EYA4: variants seen among roughly 807,000 people sequenced by gnomAD.
EYA4 encodes EYA transcriptional coactivator and phosphatase 4.
EYA4 carries 31 observed loss-of-function variants against 87.9 expected under a neutral mutation model. The ratio of observed to expected loss-of-function variants is 0.35; its 90% CI spans 0.27 to 0.48. The LOEUF is 0.48. Ranked by LOEUF, EYA4 falls within the 20% of genes least tolerant of loss-of-function variation. EYA4 has a pLI of 0.99. For missense variants in EYA4, 678 were observed against 761.4 expected (o/e 0.89, Z 1.29); for synonymous variants, 263 against 270.6 (o/e 0.97, Z 0.28).
intron 2 of EYA4, among the ~76,000 whole-genome samples, chr6:133,291,821 AT>A (rs1778510719): frequency 6.6e-6 from 1 of 152,202 alleles, no homozygotes; most frequent in Non-Finnish European, 1.5e-5. Flanking sequence ...GCATAGTATT[AT>A]CCACATTGAT....
chr6:133,505,984 A>G (rs1202273834), intron 13 of EYA4, 122 bp from the exon 14 acceptor site: 3 of 702,680 alleles, frequency 4.3e-6, no homozygotes, highest in Non-Finnish European at 7.7e-6. Context: ...AATCTTTTGA[A>G]TCTTCAGTAA....
chr6:133,281,514 T>A (rs1777624460), intron 2 of EYA4, among the ~76,000 whole-genome samples: 1 of 152,236 alleles, frequency 6.6e-6, no homozygotes, highest in Non-Finnish European at 1.5e-5. Context: ...TACTTACTCC[T>A]ATGATTTCTT....
chr6:133,531,558 C>T lies in EYA4; in HGVS notation c.*2753C>T, dbSNP rs888134350. The T allele has an allele frequency of 3.8e-6, 1 of 265,078 alleles. No individual in the cohort carries two copies. The highest frequency in any genetic ancestry group is 2.2e-5 in the African/African-American group (1 of 45,608). The allele number at this position is 265,078 out of a possible 1,614,324, so 16.4% of individuals were successfully genotyped here. On this transcript the variant is annotated 3_prime_UTR_variant, in exon 20 of 20. Transcript: ENST00000355286. ...GGTATATTACTACGAAAGATAACCACCTTGTGTTGCACCTTAAAAATATCA... is the reference window on the plus strand; with the variant it reads ...GGTATATTACTACGAAAGATAACCATCTTGTGTTGCACCTTAAAAATATCA...
At chr6:133,345,753 G>A (rs1783143558) in intron 2 of EYA4, among the ~76,000 whole-genome samples, 1 of 152,092 alleles carries the variant, frequency 6.6e-6, no homozygotes, top group Non-Finnish European at 1.5e-5. Context: ...TTTTTAGAAA[G>A]GGGTAAAGTA....
At chr6:133,346,786 C>A (rs1352980920) in intron 2 of EYA4, among the ~76,000 whole-genome samples, 1 of 151,734 alleles carries the variant, frequency 6.6e-6, no homozygotes, top group African/African-American at 2.4e-5. Flanking sequence ...TGTTGCCTGG[C>A]TGTAGGCTTT....
intron 3 of EYA4, among the ~76,000 whole-genome samples, chr6:133,385,080 A>G (rs1362537229): frequency 1.1e-4 from 17 of 151,840 alleles, no homozygotes; most frequent in Admixed American, 1.1e-3. Flanking sequence ...CGGGCAGATG[A>G]TGAGGTCAGG....
intron 2 of EYA4, among the ~76,000 whole-genome samples, chr6:133,369,036 T>G (rs1041896104): frequency 1.4e-4 from 21 of 152,236 alleles, no homozygotes; most frequent in African/African-American, 4.8e-4. Context: ...AAAAAAGAAA[T>G]AAACTCAGTG....
intron 2 of EYA4, among the ~76,000 whole-genome samples, chr6:133,308,384 T>A (rs2210891): frequency 1.3e-5 from 2 of 151,956 alleles, no homozygotes; most frequent in African/African-American, 2.4e-5. Context: ...ATTCAGTAAT[T>A]AAAAAAAACT....
chr6:133,241,060 C>A (rs1265476208), upstream of EYA4, among the ~76,000 whole-genome samples: 1 of 151,904 alleles, frequency 6.6e-6, no homozygotes, highest in African/African-American at 2.4e-5. Flanking sequence ...GGGGGCGGCG[C>A]GGAGGGCACG....
chr6:133,273,777 T>C (rs1169694458), intron 1 of EYA4, among the ~76,000 whole-genome samples: 3 of 152,234 alleles, frequency 2.0e-5, no homozygotes, highest in Admixed American at 1.3e-4. Context: ...CATATTTCTG[T>C]AGGGCATGTG....
chr6:133,478,786 CCA>C (rs1795960008), intron 11 of EYA4, among the ~76,000 whole-genome samples: 2 of 152,150 alleles, frequency 1.3e-5, no homozygotes, highest in Admixed American at 6.6e-5. Context: ...CGTCCTACAA[CCA>C]CAGTCTTTTC....
chr6:133,341,405 A>G (rs1476114017), intron 2 of EYA4, among the ~76,000 whole-genome samples: 1 of 152,234 alleles, frequency 6.6e-6, no homozygotes. Flanking sequence ...CTTTGTAGGT[A>G]CGCAGGAATA....
At chr6:133,401,113 A>G (rs1281706736) in intron 3 of EYA4, among the ~76,000 whole-genome samples, 1 of 152,210 alleles carries the variant, frequency 6.6e-6, no homozygotes, top group Non-Finnish European at 1.5e-5. Context: ...ACTGGGGGTC[A>G]TTATTTAAGT....
intron 2 of EYA4, among the ~76,000 whole-genome samples, chr6:133,356,812 A>AT (rs1486370992): frequency 2.9e-5 from 4 of 138,118 alleles, no homozygotes; most frequent in South Asian, 2.3e-4. Flanking sequence ...TTTTATTTTT[A>AT]TTTTTTTTGA....
At chr6:133,341,488 GCC>G (rs1782774901) in intron 2 of EYA4, among the ~76,000 whole-genome samples, 1 of 152,148 alleles carries the variant, frequency 6.6e-6, no homozygotes, top group African/African-American at 2.4e-5. Context: ...TAACAGTGGA[GCC>G]CTTTATGAAA....
intron 3 of EYA4, among the ~76,000 whole-genome samples, chr6:133,394,724 A>T (rs1787641430): frequency 6.6e-6 from 1 of 152,230 alleles, no homozygotes; most frequent in Non-Finnish European, 1.5e-5. Context: ...GTATTATGTG[A>T]ATTTAAATGA....
intron 2 of EYA4, among the ~76,000 whole-genome samples, chr6:133,330,549 T>TTATATATATATATATATATA (rs1284047392): frequency 2.2e-5 from 3 of 134,780 alleles, no homozygotes; most frequent in African/African-American, 8.6e-5. Context: ...ATACTGAGAT[T>TTATATATATATATATATATA]TATATATATA....
At position 133,314,501 on chromosome 6, in the gene EYA4, G is replaced by T. The variant is rs1362007728; in HGVS notation, c.33+39688G>T. On this transcript the variant is annotated intron_variant, in intron 2 of 19. Transcript: ENST00000355286. ...TGGCAGAAAGTTAACTATTCATGGT[G>T]TAATTTGTGTGAAAACATCTATACT... Among the ~76,000 whole-genome samples the T allele has an allele frequency of 2.0e-5, 3 of 152,092 alleles. No homozygotes were observed. The East Asian group carries it at 5.8e-4, about 29-fold the overall frequency.
chr6:133,339,152 TG>T, intron 2 of EYA4, among the ~76,000 whole-genome samples: 1 of 152,122 alleles, frequency 6.6e-6, no homozygotes, highest in Non-Finnish European at 1.5e-5. Context: ...GGTGAGAGTT[TG>T]GATAGCCTGT....
Sources: allele counts gnomAD v4.1 joint callset (sites outside exome capture counted in the v4.1 genomes callset), GRCh38; gene constraint gnomAD v4.1.1; transcripts MANE v1.5; gene names NCBI Gene and HGNC (gene_info 2026-07-23, HGNC 2026-07-21).